PRELID2: variants seen among roughly 807,000 people sequenced by gnomAD.
The protein encoded by PRELID2 is PRELI domain-containing protein 2.
PRELID2 carries 25 observed loss-of-function variants against 28.4 expected under a neutral mutation model. That is an observed-to-expected ratio of 0.88 (90% CI 0.64 to 1.23). PRELID2 has a LOEUF of 1.23. Among genes scored for constraint, PRELID2 ranks in the 50% most tolerant of loss-of-function variants. The pLI is 0.00. For synonymous variants in PRELID2, 76 were observed against 71.6 expected (o/e 1.06, Z -0.31); for missense variants, 201 against 214.4 (o/e 0.94, Z 0.39).
intron 1 of PRELID2, among the ~76,000 whole-genome samples, chr5:145,674,140 C>T (rs918525952): frequency 1.3e-5 from 2 of 152,152 alleles, no homozygotes; most frequent in Non-Finnish European, 2.9e-5. Context: ...TTCAAACCTA[C>T]AAAACTTTTA....
the PRELID2 span, among the ~76,000 whole-genome samples, chr5:145,272,503 C>T: frequency 6.6e-6 from 1 of 151,950 alleles, no homozygotes; most frequent in Non-Finnish European, 1.5e-5. Context: ...TAACACACAG[C>T]GCTGCAGAGG....
At chr5:145,734,802 A>G (rs547373163) in intron 1 of PRELID2, among the ~76,000 whole-genome samples, 1 of 152,342 alleles carries the variant, frequency 6.6e-6, no homozygotes, top group East Asian at 1.9e-4. Context: ...TGATTAAATA[A>G]CTTGTCTAAT....
At chr5:145,307,542 C>A in the PRELID2 span, among the ~76,000 whole-genome samples, 1 of 152,172 alleles carries the variant, frequency 6.6e-6, no homozygotes, top group African/African-American at 2.4e-5. Flanking sequence ...ATAATAGCTG[C>A]CTCTCAATCC....
chr5:145,427,586 T>C, the PRELID2 span, among the ~76,000 whole-genome samples: 1 of 152,192 alleles, frequency 6.6e-6, no homozygotes, highest in Non-Finnish European at 1.5e-5. Context: ...AGGTATTTAG[T>C]CCCTGCTGTG....
At chr5:145,738,598 A>G (rs1756562523) in intron 1 of PRELID2, among the ~76,000 whole-genome samples, 1 of 152,200 alleles carries the variant, frequency 6.6e-6, no homozygotes, top group Non-Finnish European at 1.5e-5. Context: ...GAATTGGTAA[A>G]CTGGAAGATA....
chr5:145,555,986 T>A (rs2126686488), intron 1 of PRELID2, among the ~76,000 whole-genome samples: 1 of 152,084 alleles, frequency 6.6e-6, no homozygotes, highest in South Asian at 2.1e-4. Context: ...GAGACTAGCC[T>A]GGGCAACACA....
chr5:145,320,331 C>A, the PRELID2 span, among the ~76,000 whole-genome samples: 2 of 150,990 alleles, frequency 1.3e-5, no homozygotes, highest in African/African-American at 4.9e-5. Flanking sequence ...AGTGCAGTGG[C>A]GGGATCTCGG....
chr5:145,597,027 T>C (rs1487300923), intron 1 of PRELID2, among the ~76,000 whole-genome samples: 2 of 152,108 alleles, frequency 1.3e-5, no homozygotes, highest in African/African-American at 2.4e-5. Flanking sequence ...AAATACTACA[T>C]AGCAGAAAAC....
At chr5:145,834,255 G>A (rs1581312710) in intron 1 of PRELID2, among the ~76,000 whole-genome samples, 1 of 152,146 alleles carries the variant, frequency 6.6e-6, no homozygotes, top group South Asian at 2.1e-4. Context: ...AATCAATCAA[G>A]CCCAGAGAGA....
At chr5:145,288,522 A>G in the PRELID2 span, among the ~76,000 whole-genome samples, 3 of 152,108 alleles carry the variant, frequency 2.0e-5, no homozygotes, top group African/African-American at 7.2e-5. Context: ...GAACCTTAGA[A>G]TCAGTCATTT....
intron 1 of PRELID2, among the ~76,000 whole-genome samples, chr5:145,600,951 A>G (rs1339008668): frequency 6.6e-6 from 1 of 152,184 alleles, no homozygotes; most frequent in Non-Finnish European, 1.5e-5. Flanking sequence ...CAGGAGTTCA[A>G]GACCAGCTTG....
At chr5:145,723,475 T>C (rs1756048138) in intron 1 of PRELID2, among the ~76,000 whole-genome samples, 1 of 152,162 alleles carries the variant, frequency 6.6e-6, no homozygotes, top group South Asian at 2.1e-4. Flanking sequence ...AAAGCTATTA[T>C]CTTTAATATA....
At chr5:145,309,607 C>T in the PRELID2 span, among the ~76,000 whole-genome samples, 1 of 152,186 alleles carries the variant, frequency 6.6e-6, no homozygotes, top group Non-Finnish European at 1.5e-5. Flanking sequence ...TTTGATTCTA[C>T]TCTCACTAAC....
chr5:145,406,640 TG>T, the PRELID2 span, among the ~76,000 whole-genome samples: 1 of 152,196 alleles, frequency 6.6e-6, no homozygotes, highest in African/African-American at 2.4e-5. Flanking sequence ...TGTGAACTTT[TG>T]CTCCAAGAAC....
At chr5:145,379,529 G>A in the PRELID2 span, among the ~76,000 whole-genome samples, 1 of 152,150 alleles carries the variant, frequency 6.6e-6, no homozygotes, top group Admixed American at 6.6e-5. Flanking sequence ...CTCAGGGTGA[G>A]GTAGGATCCC....
At chr5:145,810,418 T>C (rs340033) in intron 4 of PRELID2, among the ~76,000 whole-genome samples, 114,269 of 152,016 alleles carry the variant, frequency 0.75, 43,377 homozygotes, top group Non-Finnish European at 0.82. Context: ...ATTCAGTCCA[T>C]GCCAATTGCT....
At chr5:145,692,500 G>T (rs1431524460) in intron 1 of PRELID2, among the ~76,000 whole-genome samples, 1 of 152,150 alleles carries the variant, frequency 6.6e-6, no homozygotes, top group Non-Finnish European at 1.5e-5. Context: ...TCAATCAGAA[G>T]AGTCTGAGTT....
the PRELID2 span, among the ~76,000 whole-genome samples, chr5:145,406,128 A>G: frequency 2.0e-5 from 3 of 151,990 alleles, no homozygotes; most frequent in African/African-American, 7.3e-5. Flanking sequence ...ATCACCTCCC[A>G]CCAGGCCCTA....
chr5:145,304,919 A>G, the PRELID2 span, among the ~76,000 whole-genome samples: 5 of 152,214 alleles, frequency 3.3e-5, no homozygotes, highest in East Asian at 9.6e-4. Context: ...ATAGGAACAT[A>G]GTAGAGATTT....
Sources: gnomAD v4.1 joint callset for allele counts (sites outside exome capture counted in the v4.1 genomes callset) on GRCh38, gnomAD v4.1.1 for gene constraint, MANE v1.5 for transcripts, NCBI Gene and HGNC (gene_info 2026-07-23, HGNC 2026-07-21) for gene names.